The following SLC39A8 variants were observed in gnomAD, a reference collection of about 807,000 sequenced individuals.
SLC39A8 encodes metal cation symporter ZIP8.
SLC39A8 carries 15 observed loss-of-function variants against 40.4 expected under a neutral mutation model. The observed-to-expected ratio is 0.37, with a 90% CI of 0.25 to 0.57. SLC39A8 has a LOEUF of 0.57. Among genes scored for constraint, SLC39A8 ranks in the 20% least tolerant of loss-of-function variants. The pLI is 0.75. For synonymous variants in SLC39A8, 223 were observed against 221.6 expected (o/e 1.01, Z -0.06); for missense variants, 472 against 558.8 (o/e 0.84, Z 1.57).
chr4:102,300,365 A>G (rs1359077405), intron 6 of SLC39A8, among the ~76,000 whole-genome samples: 1 of 152,128 alleles, frequency 6.6e-6, no homozygotes, highest in Non-Finnish European at 1.5e-5. Flanking sequence ...CTAAACACAG[A>G]TAAAACACCA....
At chr4:102,273,540 C>T (rs1274734972) in intron 6 of SLC39A8, among the ~76,000 whole-genome samples, 2 of 152,240 alleles carry the variant, frequency 1.3e-5, no homozygotes, top group Non-Finnish European at 2.9e-5. Context: ...TTAAACGTTA[C>T]TGCCTGCCAG....
Position 102,262,842 on chromosome 4 carries a change from A to G in SLC39A8, c.*202T>C. On this transcript the variant is annotated 3_prime_UTR_variant, in exon 9 of 9. Transcript: ENST00000356736. ...GGCTCCTATATACCAGGCATCTCAG[A>G]CTGACACTGAAAACCTTTTGAAGCA... 7.4e-7 allele frequency: 1 copy of G among 1,351,334 alleles called. No individual in the cohort carries two copies. The highest frequency in any genetic ancestry group is 9.5e-7 in the Non-Finnish European group (1 of 1,053,944). 83.7% of individuals were successfully genotyped at this position (1,351,334 alleles called of 1,614,324 possible). A position where few individuals can be genotyped will look rare whatever the true frequency, so the allele number is the denominator to read the frequency against.
intron 6 of SLC39A8, among the ~76,000 whole-genome samples, chr4:102,276,444 T>G (rs1278628587): frequency 6.6e-6 from 1 of 152,032 alleles, no homozygotes; most frequent in Non-Finnish European, 1.5e-5. Flanking sequence ...CAGGAAGAAG[T>G]CGAAACCCTG....
At chr4:102,316,592 A>G (rs1734669329) in intron 2 of SLC39A8, among the ~76,000 whole-genome samples, 1 of 152,188 alleles carries the variant, frequency 6.6e-6, no homozygotes, top group Non-Finnish European at 1.5e-5. Flanking sequence ...TAAGAAAAAT[A>G]TAAAATAAAT....
Position 102,307,387 on chromosome 4 carries a change from C to T in SLC39A8, c.552+49G>A, listed in dbSNP as rs754273059. 16 of 1,592,908 alleles carry T rather than the reference C, an allele frequency of 1.0e-5. No homozygotes were observed. The African/African-American group carries it at 1.8e-4, about 18-fold the overall frequency. On this transcript the variant is annotated intron_variant, in intron 4 of 8. Transcript: ENST00000356736. The stretch of plus-strand genomic sequence containing the variant: ...GCTAAAAACATACAAAGTGCTAAAA[C>T]GTTCAAAAGAAACAATTATTCACAG...
chr4:102,327,310 G>A (rs1210552117), intron 2 of SLC39A8, among the ~76,000 whole-genome samples: 1 of 152,160 alleles, frequency 6.6e-6, no homozygotes, highest in Non-Finnish European at 1.5e-5. Context: ...TAACACTTAA[G>A]AACCTCACTT....
At chr4:102,263,320 T>C (rs1731951404) in intron 8 of SLC39A8, 127 bp from the exon 9 acceptor site, 3 of 728,422 alleles carry the variant, frequency 4.1e-6, no homozygotes, top group Non-Finnish European at 4.6e-6. Context: ...AGCAAACATC[T>C]CAATAAAGCA....
chr4:102,298,894 G>A (rs997199917), intron 6 of SLC39A8, among the ~76,000 whole-genome samples: 6 of 151,978 alleles, frequency 3.9e-5, no homozygotes, highest in South Asian at 2.1e-4. Flanking sequence ...GGCAAAGACC[G>A]GAACTAAACA....
intron 2 of SLC39A8, among the ~76,000 whole-genome samples, chr4:102,340,395 T>C (rs1735891280): frequency 6.6e-6 from 1 of 152,194 alleles, no homozygotes; most frequent in South Asian, 2.1e-4. Context: ...CAGGATTGCA[T>C]TGAAGGGACT....
At chr4:102,267,391 C>T (rs1732148674) in intron 8 of SLC39A8, 99 bp downstream of exon 8, 1 of 1,101,878 alleles carries the variant, frequency 9.1e-7, no homozygotes, top group Non-Finnish European at 1.3e-6. Context: ...AGGCCTTCCA[C>T]ACTGCGGAAA....
At chr4:102,317,764 AG>A (rs1192547217) in intron 2 of SLC39A8, among the ~76,000 whole-genome samples, 2 of 152,152 alleles carry the variant, frequency 1.3e-5, no homozygotes, top group African/African-American at 4.8e-5. Flanking sequence ...ACTGTAAAAT[AG>A]GAGGAAAACG....
chr4:102,281,710 CCT>C (rs1446182852), intron 6 of SLC39A8, among the ~76,000 whole-genome samples: 2 of 151,938 alleles, frequency 1.3e-5, no homozygotes, highest in Non-Finnish European at 1.5e-5. Flanking sequence ...CAACTGGCAC[CCT>C]GGTTTATATT....
At chr4:102,255,918 G>T (rs1031373725) in intron 11 of SLC39A8, among the ~76,000 whole-genome samples, 4 of 152,178 alleles carry the variant, frequency 2.6e-5, no homozygotes, top group Admixed American at 1.3e-4. Flanking sequence ...GACAGCGCAG[G>T]TGCTTTTTCT....
intron 2 of SLC39A8, among the ~76,000 whole-genome samples, chr4:102,341,548 G>A (rs1371089224): frequency 6.6e-6 from 1 of 152,128 alleles, no homozygotes; most frequent in Non-Finnish European, 1.5e-5. Flanking sequence ...ATCCAGAAAT[G>A]AGGGCCCCAG....
chr4:102,321,693 G>A (rs1734974398), intron 2 of SLC39A8, among the ~76,000 whole-genome samples: 1 of 152,202 alleles, frequency 6.6e-6, no homozygotes, highest in South Asian at 2.1e-4. Context: ...CCATTTGGCA[G>A]GATGGTGGCA....
At chr4:102,342,431 G>A (rs1416223292) in intron 2 of SLC39A8, among the ~76,000 whole-genome samples, 1 of 152,196 alleles carries the variant, frequency 6.6e-6, no homozygotes, top group Non-Finnish European at 1.5e-5. Flanking sequence ...CCCAGAGGGG[G>A]AGGTTGTGGT....
chr4:102,269,309 A>G (rs993236617), intron 6 of SLC39A8, among the ~76,000 whole-genome samples: 93 of 152,252 alleles, frequency 6.1e-4, no homozygotes, highest in Non-Finnish European at 9.4e-4. Context: ...AGATCCTGCA[A>G]TACATCTCTT....
chr4:102,344,834 C>G lies in SLC39A8; in HGVS notation c.-172G>C, dbSNP rs1483592848. The stretch of plus-strand genomic sequence containing the variant: ...TCCGACGCCTTCGAAAGAACAGCAG[C>G]TCGCGACCTGCGGGGCATTGAAGTG... On this transcript the variant is annotated 5_prime_UTR_variant, in exon 2 of 9. Coordinates refer to ENST00000356736, the MANE Select transcript of SLC39A8 (RefSeq NM_001135146.2). 3.8e-6 allele frequency: 5 copies of G among 1,319,130 alleles called. No homozygotes were observed. The highest frequency in any genetic ancestry group is 3.8e-6 in the Non-Finnish European group (4 of 1,039,610). The allele number at this position is 1,319,130 out of a possible 1,614,324, so 81.7% of individuals were successfully genotyped here. A position where few individuals can be genotyped will look rare whatever the true frequency, so the allele number is the denominator to read the frequency against.
chr4:102,273,133 A>G (rs899385700), intron 6 of SLC39A8, among the ~76,000 whole-genome samples: 4 of 152,114 alleles, frequency 2.6e-5, no homozygotes, highest in African/African-American at 9.7e-5. Flanking sequence ...GAAGCCAGGG[A>G]GCCAAGTGGT....
Sources: gnomAD v4.1 joint callset for allele counts (sites outside exome capture counted in the v4.1 genomes callset) on GRCh38, gnomAD v4.1.1 for gene constraint, MANE v1.5 for transcripts, NCBI Gene and HGNC (gene_info 2026-07-23, HGNC 2026-07-21) for gene names.